Variants in VIT observed in about 807,000 individuals in gnomAD.
The protein encoded by VIT is vitrin.
In VIT, 99 loss-of-function variants were observed where a neutral mutation model predicts 78.0. The ratio of observed to expected loss-of-function variants is 1.27; its 90% CI spans 1.08 to 1.50. The LOEUF (loss-of-function observed/expected upper bound fraction) is 1.50. VIT is among the 40% of genes most tolerant of loss of function. The pLI, the probability that VIT is intolerant of heterozygous loss-of-function variation, is 0.00. For synonymous variants in VIT, 374 were observed against 334.3 expected, an observed-to-expected ratio of 1.12 and a Z score of -1.29; for missense variants, 1,126 against 875.3, an observed-to-expected ratio of 1.29 and a Z score of -3.61.
chr2:36,809,088 C>T (rs918634111), intron 15 of VIT, 103 bp downstream of exon 15: 1 of 1,436,578 alleles, frequency 7.0e-7, no homozygotes, highest in Non-Finnish European at 9.3e-7. Flanking sequence ...TTGGTTTTTT[C>T]TGCGACTTAA....
chr2:36,743,025 T>G, intron 3 of VIT, 75 bp from the exon 4 acceptor site: 2 of 1,576,624 alleles, frequency 1.3e-6, no homozygotes, highest in Non-Finnish European at 1.7e-6. Flanking sequence ...AGTCAATAGT[T>G]GAGACCTAAC....
intron 4 of VIT, among the ~76,000 whole-genome samples, chr2:36,747,857 G>T (rs752969768): frequency 5.5e-4 from 83 of 152,190 alleles, no homozygotes; most frequent in Non-Finnish European, 6.9e-4. Context: ...TCTGGGCTAT[G>T]AACTTAAGTG....
intron 4 of VIT, among the ~76,000 whole-genome samples, chr2:36,749,093 G>C (rs1258068865): frequency 6.6e-6 from 1 of 152,198 alleles, no homozygotes; most frequent in Non-Finnish European, 1.5e-5. Flanking sequence ...TTTACACTTT[G>C]ATGGGGAGAG....
chr2:36,766,194 G>A (rs1189796174), intron 6 of VIT, among the ~76,000 whole-genome samples: 1 of 152,220 alleles, frequency 6.6e-6, no homozygotes, highest in Non-Finnish European at 1.5e-5. Flanking sequence ...AAGGAGAGAA[G>A]TGATCTAAAT....
rs10650621 is a variant in VIT, at chr2:36,701,105, T to TAAAA, written c.-19+4140_-19+4143dup. The stretch of plus-strand genomic sequence containing the variant: ...ATTATCAAGCCAAGTGAAATTTCTT[T>TAAAA]AAAAAAAAAAATGTACCTCCTTGCA... On this transcript the variant is annotated intron_variant, in intron 1 of 15. Transcript: ENST00000379242. 9.0e-3 allele frequency among the ~76,000 whole-genome samples: 1,351 copies of TAAAA among 150,264 alleles called. 18 individuals carry two copies. The highest frequency in any genetic ancestry group is 0.031 in the African/African-American group (1,242 of 40,568).
chr2:36,749,525 T>C (rs1668332125), intron 4 of VIT, among the ~76,000 whole-genome samples: 1 of 152,370 alleles, frequency 6.6e-6, no homozygotes, highest in Middle Eastern at 3.4e-3. Flanking sequence ...TTACCTTCTT[T>C]ATCTTATTTA....
chr2:36,738,989 C>T (rs1001867521), intron 3 of VIT, among the ~76,000 whole-genome samples: 8 of 152,100 alleles, frequency 5.3e-5, no homozygotes, highest in Non-Finnish European at 1.5e-5. Flanking sequence ...ATATCAGGAT[C>T]AAGGAGAACA....
intron 9 of VIT, among the ~76,000 whole-genome samples, chr2:36,778,999 G>A (rs1012112675): frequency 1.1e-4 from 17 of 152,328 alleles, no homozygotes; most frequent in East Asian, 1.9e-4. Context: ...CTTGGGTCCC[G>A]TGTTGGTGAC....
chr2:36,808,854 C>T lies in VIT; in HGVS notation c.1772C>T (p.Ala591Val). 6 of 1,614,190 alleles carry T rather than the reference C, an allele frequency of 3.7e-6. No homozygotes were observed. Among genetic ancestry groups the T allele is most frequent in the Non-Finnish European group, 4.2e-6 (5 of 1,180,032 alleles). ...TGGAGTGGTGGCACCAGCACGGGGG[C>T]TGCCATCAACTTCGCCCTGGAGCAG... ...GYWSGGTSTG[A>V]AINFALEQLF... Residue 591 changes from alanine (A) to valine (V), a missense_variant, in exon 15 of 16, where the codon GCT becomes GTT. Physicochemically the swap from Ala to Val is moderately conservative, Grantham distance 64 (BLOSUM62 0). Coordinates refer to ENST00000379242, the MANE Select transcript of VIT (RefSeq NM_053276.4).
In VIT at chr2:36,767,385, G is replaced by C. The variant is rs183335318; in HGVS notation, c.679+100G>C. 8.8e-6 allele frequency: 11 copies of C among 1,245,598 alleles called. No individual in the cohort carries two copies. The Admixed American group carries it at 4.4e-4, about 49-fold the overall frequency. The allele number at this position is 1,245,598 out of a possible 1,614,324, so 77.2% of individuals were successfully genotyped here. On this transcript the variant is annotated intron_variant, in intron 7 of 15. Transcript: ENST00000379242. ...GAGCATCTACTGGGCTGGGTGAATG[G>C]GGAGCACTGGAGAACTGGGCCGGGG...
At chr2:36,699,685 T>C (rs1664925099) in intron 1 of VIT, among the ~76,000 whole-genome samples, 1 of 150,682 alleles carries the variant, frequency 6.6e-6, no homozygotes, top group Admixed American at 6.6e-5. Context: ...CACATATACA[T>C]AGTGTACTGG....
rs1386116606 is a variant in VIT, at chr2:36,808,732, G to A, written c.1650G>A (p.Gly550=). 6.2e-7 allele frequency: 1 copy of A among 1,614,208 alleles called. No individual in the cohort carries two copies. Among genetic ancestry groups the A allele is most frequent in the East Asian group, 2.2e-5 (1 of 44,882 alleles). Residue 550 remains glycine (G), a synonymous_variant, in exon 15 of 16, where the codon GGG becomes GGA. Coordinates refer to ENST00000379242, the MANE Select transcript of VIT (RefSeq NM_053276.4). ...TTTCCGACACGGACACGCGCATCGG[G>A]GCCGTGCAGTACACCTACGAACAGC... ...FEISDTDTRI[G]AVQYTYEQRL...
chr2:36,750,368 G>A (rs776013928), intron 4 of VIT, among the ~76,000 whole-genome samples: 1 of 152,158 alleles, frequency 6.6e-6, no homozygotes, highest in African/African-American at 2.4e-5. Context: ...GCTGCAAAGG[G>A]TGAGCCTGTC....
At chr2:36,717,378 GTGTGTGTGTGTGTGTGTT>G (rs1666227897) in intron 2 of VIT, among the ~76,000 whole-genome samples, 1 of 141,412 alleles carries the variant, frequency 7.1e-6, no homozygotes, top group African/African-American at 2.8e-5. Context: ...GTGTGTGTGT[GTGTGTGTGTGTGTGTGTT>G]TAGTAGAGAT....
At chr2:36,752,750 G>A (rs17440424) in intron 4 of VIT, among the ~76,000 whole-genome samples, 2,655 of 152,254 alleles carry the variant, frequency 0.017, 30 homozygotes, top group Middle Eastern at 0.065. Context: ...CATAACAATT[G>A]GCTCTCACAG....
At chr2:36,741,814 G>A (rs749456198) in intron 3 of VIT, among the ~76,000 whole-genome samples, 11 of 152,084 alleles carry the variant, frequency 7.2e-5, no homozygotes, top group Non-Finnish European at 1.6e-4. Context: ...CTGCTTCCTG[G>A]GGCAGCTCAG....
intron 15 of VIT, among the ~76,000 whole-genome samples, chr2:36,810,030 G>A (rs908020107): frequency 4.9e-5 from 7 of 142,818 alleles, no homozygotes; most frequent in Admixed American, 1.4e-4. Flanking sequence ...AATGGCCCAC[G>A]CCTGTGATCC....
At chr2:36,754,142 G>C (rs138614632) in intron 4 of VIT, among the ~76,000 whole-genome samples, 29 of 152,296 alleles carry the variant, frequency 1.9e-4, no homozygotes, top group African/African-American at 6.5e-4. Flanking sequence ...GTTGAGGGTT[G>C]AACGTTGTTG....
In VIT at chr2:36,781,789, CCT is replaced by C; in HGVS notation, c.847+22_847+23del. ...AGATGAAGGTAATTATACAGCCCAACCTCTCAGCCACGCGTGGATCAAGATGC... is the reference window on the plus strand; with the variant it reads ...AGATGAAGGTAATTATACAGCCCAACCTCAGCCACGCGTGGATCAAGATGC... On this transcript the variant is annotated intron_variant, in intron 10 of 15. Transcript: ENST00000379242. 6.2e-7 allele frequency: 1 copy of C among 1,614,012 alleles called. No individual in the cohort carries two copies. Among genetic ancestry groups the C allele is most frequent in the South Asian group, 1.1e-5 (1 of 91,060 alleles).
Sources: gnomAD v4.1 joint callset for allele counts (sites outside exome capture counted in the v4.1 genomes callset) on GRCh38, gnomAD v4.1.1 for gene constraint, MANE v1.5 for transcripts, NCBI Gene and HGNC (gene_info 2026-07-23, HGNC 2026-07-21) for gene names.